NRG3: variants seen among roughly 807,000 people sequenced by gnomAD.
NRG3 encodes the protein neuregulin 3, also known as pro-neuregulin-3, membrane-bound isoform.
Under a neutral mutation model 66.9 loss-of-function variants are expected in NRG3, and 31 were observed. The ratio of observed to expected loss-of-function variants is 0.46; its 90% CI spans 0.35 to 0.63. The LOEUF is 0.63. NRG3 is among the 20% of genes least tolerant of loss of function. The pLI is 0.00. For synonymous variants in NRG3, 393 were observed against 359.4 expected (o/e 1.09, Z -1.06); for missense variants, 910 against 878.9 (o/e 1.04, Z -0.45).
chr10:82,670,471 C>T (rs1382557142), intron 2 of NRG3, among the ~76,000 whole-genome samples: 3 of 152,158 alleles, frequency 2.0e-5, no homozygotes, highest in Non-Finnish European at 4.4e-5. Flanking sequence ...CATTTTTCTA[C>T]ACCCAAATGA....
At chr10:82,832,539 G>A (rs763436456) in intron 3 of NRG3, among the ~76,000 whole-genome samples, 1 of 152,100 alleles carries the variant, frequency 6.6e-6, no homozygotes, top group Non-Finnish European at 1.5e-5. Flanking sequence ...ATTCATGATT[G>A]AGTAACCACC....
At chr10:82,432,898 A>C (rs1239311162) in intron 2 of NRG3, among the ~76,000 whole-genome samples, 1 of 152,158 alleles carries the variant, frequency 6.6e-6, no homozygotes, top group Non-Finnish European at 1.5e-5. Context: ...TGTCTTTGCT[A>C]TTGTAAATAG....
chr10:82,050,653 C>G (rs981402639), intron 1 of NRG3, among the ~76,000 whole-genome samples: 1 of 152,024 alleles, frequency 6.6e-6, no homozygotes, highest in African/African-American at 2.4e-5. Flanking sequence ...TGCCTCTTTG[C>G]TATGCCTTCG....
chr10:82,746,603 C>A (rs1331792598), intron 3 of NRG3, among the ~76,000 whole-genome samples: 1 of 152,134 alleles, frequency 6.6e-6, no homozygotes, highest in African/African-American at 2.4e-5. Flanking sequence ...GTTTCAAAGT[C>A]AGAGAGGGAG....
chr10:82,546,823 A>G (rs576978504), intron 2 of NRG3, among the ~76,000 whole-genome samples: 42 of 152,336 alleles, frequency 2.8e-4, no homozygotes, highest in African/African-American at 9.4e-4. Context: ...ATGGAATTGC[A>G]TATCATGTAC....
chr10:82,696,590 C>T lies in NRG3; in HGVS notation c.954-41987C>T, dbSNP rs183170354. Among the ~76,000 whole-genome samples the T allele has an allele frequency of 3.7e-4, 57 of 152,216 alleles. No homozygotes were observed. In the East Asian group the frequency reaches 8.2e-3, roughly 22 times the overall value. ...TAAGCCAATCTTTTTCTGATGTTTA[C>T]TCAGCATTTTCTGAGGCTCTCCTAG... On this transcript the variant is annotated intron_variant, in intron 2 of 8. Transcript: ENST00000372141.
chr10:82,929,753 C>G (rs993261956), intron 4 of NRG3, among the ~76,000 whole-genome samples: 1 of 151,722 alleles, frequency 6.6e-6, no homozygotes, highest in African/African-American at 2.4e-5. Flanking sequence ...GTGGTTGGCA[C>G]CTGTAATCAC....
intron 2 of NRG3, among the ~76,000 whole-genome samples, chr10:82,373,614 T>C (rs1441392329): frequency 1.3e-5 from 2 of 152,174 alleles, no homozygotes; most frequent in Non-Finnish European, 2.9e-5. Flanking sequence ...AAATAGAGGC[T>C]AATAATAGGA....
At chr10:82,542,229 C>T (rs541461252) in intron 2 of NRG3, among the ~76,000 whole-genome samples, 1 of 152,166 alleles carries the variant, frequency 6.6e-6, no homozygotes, top group African/African-American at 2.4e-5. Context: ...CAGCTTCATC[C>T]ATGTCCCTGC....
intron 3 of NRG3, among the ~76,000 whole-genome samples, chr10:82,753,673 G>T (rs939045313): frequency 6.6e-6 from 1 of 151,858 alleles, no homozygotes; most frequent in Non-Finnish European, 1.5e-5. Context: ...GTTCCACCGG[G>T]AGTGGTGGCT....
chr10:82,009,067 C>G (rs929852379), intron 1 of NRG3, among the ~76,000 whole-genome samples: 19 of 152,098 alleles, frequency 1.2e-4, no homozygotes, highest in Non-Finnish European at 1.5e-5. Context: ...CTACAACTCC[C>G]AGCTAATTAT....
chr10:81,936,563 C>A (rs908555781), intron 1 of NRG3, among the ~76,000 whole-genome samples: 1 of 152,066 alleles, frequency 6.6e-6, no homozygotes, highest in Non-Finnish European at 1.5e-5. Flanking sequence ...AGTGGGAGAA[C>A]CACAGATGGC....
intron 2 of NRG3, among the ~76,000 whole-genome samples, chr10:82,713,345 A>G (rs1357702270): frequency 6.6e-6 from 1 of 152,098 alleles, no homozygotes; most frequent in Non-Finnish European, 1.5e-5. Context: ...GAGACCAAGA[A>G]AGGGGTTGTT....
chr10:82,620,219 C>T (rs577810652), intron 2 of NRG3, among the ~76,000 whole-genome samples: 17 of 152,264 alleles, frequency 1.1e-4, no homozygotes, highest in African/African-American at 3.4e-4. Context: ...CTTGCCTTGT[C>T]GCGTGGGGCT....
intron 1 of NRG3, among the ~76,000 whole-genome samples, chr10:81,987,233 C>A (rs761922599): frequency 6.6e-6 from 1 of 152,024 alleles, no homozygotes; most frequent in African/African-American, 2.4e-5. Context: ...TACAGGCGCA[C>A]GCCACCACAC....
chr10:82,300,775 A>C (rs532791173), intron 1 of NRG3, among the ~76,000 whole-genome samples: 2 of 152,158 alleles, frequency 1.3e-5, no homozygotes, highest in Non-Finnish European at 2.9e-5. Flanking sequence ...TTTCACATCA[A>C]ACCCATTGGA....
chr10:82,366,087 A>C (rs1451491442), intron 2 of NRG3, among the ~76,000 whole-genome samples: 1 of 152,188 alleles, frequency 6.6e-6, no homozygotes. Flanking sequence ...TCAAAGTCCT[A>C]CTCAGCTTTC....
intron 1 of NRG3, among the ~76,000 whole-genome samples, chr10:82,260,891 T>C (rs2077989872): frequency 6.6e-6 from 1 of 152,136 alleles, no homozygotes; most frequent in Non-Finnish European, 1.5e-5. Flanking sequence ...GTTGATAGGC[T>C]TGGAAATTTG....
chr10:82,058,376 G>C (rs936987762), intron 1 of NRG3, among the ~76,000 whole-genome samples: 1 of 151,792 alleles, frequency 6.6e-6, no homozygotes, highest in Non-Finnish European at 1.5e-5. Flanking sequence ...TCCATGCTTA[G>C]AAAATTGTCT....
Sources: gnomAD v4.1 joint callset for allele counts (sites outside exome capture counted in the v4.1 genomes callset) on GRCh38, gnomAD v4.1.1 for gene constraint, MANE v1.5 for transcripts, NCBI Gene and HGNC (gene_info 2026-07-23, HGNC 2026-07-21) for gene names.